NCOR1: variants seen among roughly 807,000 people sequenced by gnomAD.
NCOR1 encodes the protein nuclear receptor corepressor 1.
In NCOR1, 63 loss-of-function variants were observed where a neutral mutation model predicts 288.1. That is an observed-to-expected ratio of 0.22 (90% CI 0.18 to 0.27). NCOR1 has a LOEUF of 0.27. NCOR1 is among the 10% of genes least tolerant of loss of function. The pLI is 1.00. For synonymous variants in NCOR1, 1,007 were observed against 1,065.9 expected, an observed-to-expected ratio of 0.94 and a Z score of 1.08; for missense variants, 2,397 against 3,019.2, an observed-to-expected ratio of 0.79 and a Z score of 4.83.
intron 15 of NCOR1, among the ~76,000 whole-genome samples, chr17:16,124,545 T>C (rs913691604): frequency 5.9e-5 from 9 of 152,192 alleles, no homozygotes; most frequent in Non-Finnish European, 1.0e-4. Context: ...TTTTGTTCCA[T>C]GTAATTTACA....
chr17:16,113,569 C>T (rs1466179943), intron 18 of NCOR1, among the ~76,000 whole-genome samples: 1 of 151,978 alleles, frequency 6.6e-6, no homozygotes, highest in Non-Finnish European at 1.5e-5. Context: ...AATCTTATAC[C>T]ATATCAAGGA....
At chr17:16,160,109 G>T (rs943163597) in intron 5 of NCOR1, among the ~76,000 whole-genome samples, 1 of 152,066 alleles carries the variant, frequency 6.6e-6, no homozygotes, top group African/African-American at 2.4e-5. Context: ...CGGGATTACC[G>T]CTGTGAGCCA....
chr17:16,071,467 C>T lies in NCOR1; in HGVS notation c.4094G>A (p.Arg1365Gln), dbSNP rs1454297938. The T allele has an allele frequency of 9.3e-6, 15 of 1,614,048 alleles. No homozygotes were observed. Among genetic ancestry groups the T allele is most frequent in the East Asian group, 6.7e-5 (3 of 44,896 alleles). ...PRQDILTQES[R>Q]KTPEVVQSTR... ...GCTCTGGACCACTTCTGGAGTTTTC[C>T]GACTTTCCTGAGTTAAAATATCTTG... The change falls in exon 30 of 46, where the codon CGG becomes CAG. Residue 1365 changes from arginine (R) to glutamine (Q), a missense_variant. Transcript: ENST00000268712.
chr17:16,105,953 A>G (rs2068541690), intron 19 of NCOR1, among the ~76,000 whole-genome samples: 1 of 152,166 alleles, frequency 6.6e-6, no homozygotes, highest in Admixed American at 6.5e-5. Flanking sequence ...TACAAAAATT[A>G]GCTGGGCGTG....
chr17:16,124,014 T>C (rs2073525948), intron 15 of NCOR1, among the ~76,000 whole-genome samples: 1 of 152,208 alleles, frequency 6.6e-6, no homozygotes, highest in Admixed American at 6.5e-5. Context: ...ATGACAGAGT[T>C]CCATGTGAGA....
At chr17:16,152,790 T>C (rs2079081225) in intron 7 of NCOR1, among the ~76,000 whole-genome samples, 1 of 152,158 alleles carries the variant, frequency 6.6e-6, no homozygotes, top group African/African-American at 2.4e-5. Flanking sequence ...AGCATTCCTA[T>C]TTCTCCACAT....
In NCOR1 at chr17:16,181,413, T is replaced by C. The variant is rs995513671; in HGVS notation, c.242+5141A>G. 1.0e-4 allele frequency among the ~76,000 whole-genome samples: 15 copies of C among 143,740 alleles called. No homozygotes were observed. In the East Asian group the frequency reaches 1.6e-3, roughly 16 times the overall value. The allele number at this position is 143,740 out of a possible 152,430, so 94.3% of individuals were successfully genotyped here. On this transcript the variant is annotated intron_variant, in intron 3 of 45. Coordinates refer to ENST00000268712, the MANE Select transcript of NCOR1 (RefSeq NM_006311.4). ...ATTAAAAAAAAAAAAAGCACTCAAATACACAGGGATAGAGAATGAAACAGT... is the reference window on the plus strand; with the variant it reads ...ATTAAAAAAAAAAAAAGCACTCAAACACACAGGGATAGAGAATGAAACAGT...
intron 22 of NCOR1, 37 bp from the exon 23 acceptor site, chr17:16,086,479 C>G: frequency 1.9e-6 from 3 of 1,565,432 alleles, no homozygotes; most frequent in Non-Finnish European, 1.7e-6. Context: ...TAAACTAGTC[C>G]ATTTCCTAGT....
At chr17:16,158,681 C>A (rs2153417515) in intron 6 of NCOR1, 79 bp downstream of exon 6, 1 of 773,732 alleles carries the variant, frequency 1.3e-6, no homozygotes, top group Non-Finnish European at 2.1e-6. Flanking sequence ...TAAAATTATA[C>A]CAGGATACAT....
At chr17:16,109,524 T>G (rs1196855403) in intron 18 of NCOR1, among the ~76,000 whole-genome samples, 1 of 152,170 alleles carries the variant, frequency 6.6e-6, no homozygotes, top group East Asian at 1.9e-4. Flanking sequence ...TTGTTATTAA[T>G]GATCCCATGA....
intron 3 of NCOR1, among the ~76,000 whole-genome samples, chr17:16,176,337 C>T (rs1334945986): frequency 1.3e-5 from 2 of 152,150 alleles, no homozygotes; most frequent in Admixed American, 6.5e-5. Context: ...GGTGCGATCT[C>T]GCCTCACTGC....
At chr17:16,115,425 G>A (rs2071386965) in intron 18 of NCOR1, among the ~76,000 whole-genome samples, 1 of 152,114 alleles carries the variant, frequency 6.6e-6, no homozygotes, top group African/African-American at 2.4e-5. Flanking sequence ...TCAGAAAATG[G>A]GATTTTCTTT....
chr17:16,030,900 A>AGTC lies in NCOR1; in HGVS notation c.*1393_*1395dup, dbSNP rs1014507386. The stretch of plus-strand genomic sequence containing the variant: ...GTTTAAAAGTTTAGGTCTACTTGAA[A>AGTC]GTCTGTAAAGTGCTAATTTTTATCA... On this transcript the variant is annotated 3_prime_UTR_variant, in exon 46 of 46. Transcript: ENST00000268712. The AGTC allele has an allele frequency of 5.2e-6, 1 of 192,934 alleles. No individual in the cohort carries two copies. Among genetic ancestry groups the AGTC allele is most frequent in the Non-Finnish European group, 1.1e-5 (1 of 92,470 alleles). The allele number at this position is 192,934 out of a possible 1,614,324, so 12.0% of individuals were successfully genotyped here.
chr17:16,204,836 G>A (rs1600537977), intron 1 of NCOR1, among the ~76,000 whole-genome samples: 2 of 152,202 alleles, frequency 1.3e-5, no homozygotes, highest in East Asian at 3.8e-4. Flanking sequence ...ATGTGCCCAA[G>A]GTCCCACAGC....
At chr17:16,143,544 C>T (rs1020641753) in intron 11 of NCOR1, 62 bp downstream of exon 11, 1 of 1,305,568 alleles carries the variant, frequency 7.7e-7, no homozygotes, top group Admixed American at 1.8e-5. Flanking sequence ...ACCCTTAGCT[C>T]CTACAGAGTT....
intron 6 of NCOR1, among the ~76,000 whole-genome samples, chr17:16,155,270 G>A (rs1360888631): frequency 6.6e-6 from 1 of 150,484 alleles, no homozygotes; most frequent in East Asian, 2.0e-4. Context: ...AGAATCACTT[G>A]AACCCGGGAG....
In NCOR1 at chr17:16,039,657, G is replaced by T; in HGVS notation, c.6734-3C>A. On this transcript the variant is annotated splice_region_variant and splice_polypyrimidine_tract_variant and intron_variant, in intron 43 of 45. Coordinates refer to ENST00000268712, the MANE Select transcript of NCOR1 (RefSeq NM_006311.4). The stretch of plus-strand genomic sequence containing the variant: ...ATGGCCTCTAGAGCTAACTGAGCCT[G>T]AAAGAGAATCAAAAACATTTCCACT... 8.7e-6 allele frequency: 14 copies of T among 1,611,266 alleles called. No individual in the cohort carries two copies. Among genetic ancestry groups the T allele is most frequent in the Non-Finnish European group, 1.2e-5 (14 of 1,178,348 alleles).
intron 1 of NCOR1, among the ~76,000 whole-genome samples, chr17:16,207,750 A>G (rs901554681): frequency 4.6e-5 from 7 of 151,192 alleles, no homozygotes; most frequent in Non-Finnish European, 8.8e-5. Flanking sequence ...AAAAAAAAAA[A>G]AAAAAGAAAA....
At chr17:16,090,267 A>G (rs1464597259) in intron 22 of NCOR1, among the ~76,000 whole-genome samples, 2 of 152,190 alleles carry the variant, frequency 1.3e-5, no homozygotes, top group Non-Finnish European at 2.9e-5. Flanking sequence ...TCATAAGTTC[A>G]ACAAATGATA....
Sources: allele counts gnomAD v4.1 joint callset (sites outside exome capture counted in the v4.1 genomes callset), GRCh38; gene constraint gnomAD v4.1.1; transcripts MANE v1.5; gene names NCBI Gene and HGNC (gene_info 2026-07-23, HGNC 2026-07-21).